Variants in CLVS1 observed in about 807,000 individuals in gnomAD.
The protein encoded by CLVS1 is clavesin-1.
In CLVS1, 10 loss-of-function variants were observed where a neutral mutation model predicts 33.1. That is an observed-to-expected ratio of 0.30 (90% CI 0.19 to 0.51). The LOEUF is 0.51. Ranked by LOEUF, CLVS1 falls within the 20% of genes least tolerant of loss-of-function variation. CLVS1 has a pLI of 0.97. For synonymous variants in CLVS1, 163 were observed against 166.1 expected (o/e 0.98, Z 0.14); for missense variants, 343 against 433.4 (o/e 0.79, Z 1.85).
At chr8:61,054,691 C>A (rs1313229913), upstream of CLVS1, among the ~76,000 whole-genome samples, 2 of 151,974 alleles carry the variant, frequency 1.3e-5, no homozygotes, top group African/African-American at 4.8e-5. Flanking sequence ...AAGGAAAGTA[C>A]TTTGTACTAT....
intron 5 of CLVS1, among the ~76,000 whole-genome samples, chr8:61,478,189 T>C (rs1818029464): frequency 6.6e-6 from 1 of 152,228 alleles, no homozygotes; most frequent in African/African-American, 2.4e-5. Flanking sequence ...AGACAGTTTG[T>C]TATAATTTCT....
At chr8:60,994,822 T>C in the CLVS1 span, among the ~76,000 whole-genome samples, 4 of 152,006 alleles carry the variant, frequency 2.6e-5, no homozygotes, top group Admixed American at 6.6e-5. Flanking sequence ...GAGATATAGA[T>C]CAATGGAACA....
intron 2 of CLVS1, among the ~76,000 whole-genome samples, chr8:61,217,904 C>G (rs946781911): frequency 1.3e-5 from 2 of 152,116 alleles, no homozygotes; most frequent in Non-Finnish European, 2.9e-5. Context: ...TGAAGAAAAA[C>G]TTGACATAAT....
the CLVS1 span, among the ~76,000 whole-genome samples, chr8:61,039,493 GGT>G: frequency 6.6e-6 from 1 of 151,940 alleles, no homozygotes; most frequent in Non-Finnish European, 1.5e-5. Context: ...GGTTTCCACC[GGT>G]TAATTGTTGA....
intron 2 of CLVS1, among the ~76,000 whole-genome samples, chr8:61,277,345 G>A (rs1448401159): frequency 6.6e-6 from 1 of 152,142 alleles, no homozygotes; most frequent in Non-Finnish European, 1.5e-5. Context: ...CTGCATTCAG[G>A]GCTTGTGTGG....
intron 5 of CLVS1, among the ~76,000 whole-genome samples, chr8:61,473,773 A>G (rs186676257): frequency 6.6e-6 from 1 of 152,338 alleles, no homozygotes; most frequent in African/African-American, 2.4e-5. Flanking sequence ...GAATGACCAG[A>G]GGTCTTTTGC....
At chr8:61,027,400 G>A in the CLVS1 span, among the ~76,000 whole-genome samples, 1 of 152,058 alleles carries the variant, frequency 6.6e-6, no homozygotes, top group Non-Finnish European at 1.5e-5. Context: ...TGGGGATTTG[G>A]GAATTAAATA....
chr8:61,313,605 T>C (rs1810915278), intron 2 of CLVS1, among the ~76,000 whole-genome samples: 1 of 152,186 alleles, frequency 6.6e-6, no homozygotes. Context: ...TGGAAGCTCC[T>C]GGAGACAGGG....
intron 3 of CLVS1, among the ~76,000 whole-genome samples, chr8:61,395,394 G>T (rs1814483933): frequency 6.6e-6 from 1 of 152,150 alleles, no homozygotes; most frequent in African/African-American, 2.4e-5. Context: ...CTCTTGCACT[G>T]CATGGTGAAC....
intron 2 of CLVS1, among the ~76,000 whole-genome samples, chr8:61,207,234 T>A (rs942258362): frequency 6.6e-6 from 1 of 152,250 alleles, no homozygotes; most frequent in Admixed American, 6.5e-5. Flanking sequence ...AGCCATGCTG[T>A]GCATGGGCTT....
At chr8:60,972,911 A>G in the CLVS1 span, among the ~76,000 whole-genome samples, 1 of 152,202 alleles carries the variant, frequency 6.6e-6, no homozygotes, top group African/African-American at 2.4e-5. Context: ...CCTCATCTTG[A>G]TAAATCAGCT....
At chr8:61,155,524 CCTTAA>C (rs1200029098) in intron 2 of CLVS1, among the ~76,000 whole-genome samples, 3 of 151,754 alleles carry the variant, frequency 2.0e-5, no homozygotes, top group African/African-American at 4.8e-5. Flanking sequence ...GTTCTCTAAA[CCTTAA>C]CTTATTTCAT....
At chr8:61,259,657 T>C (rs1809157319) in intron 2 of CLVS1, among the ~76,000 whole-genome samples, 1 of 152,236 alleles carries the variant, frequency 6.6e-6, no homozygotes, top group Non-Finnish European at 1.5e-5. Context: ...GAGATTTCAA[T>C]AGCACGGCAC....
chr8:61,171,329 G>A (rs1369404665), intron 2 of CLVS1, among the ~76,000 whole-genome samples: 1 of 152,148 alleles, frequency 6.6e-6, no homozygotes, highest in African/African-American at 2.4e-5. Context: ...AAAGTATGTT[G>A]GAGGAGGGCC....
At chr8:61,459,117 A>G (rs1217199036) in intron 5 of CLVS1, among the ~76,000 whole-genome samples, 3 of 152,106 alleles carry the variant, frequency 2.0e-5, no homozygotes, top group Non-Finnish European at 4.4e-5. Flanking sequence ...ATCCAAGCAG[A>G]GTGGACAGAC....
intron 2 of CLVS1, among the ~76,000 whole-genome samples, chr8:61,259,106 AT>A (rs1809146258): frequency 6.6e-6 from 1 of 152,240 alleles, no homozygotes; most frequent in Non-Finnish European, 1.5e-5. Flanking sequence ...CTACAAAGTG[AT>A]TTAATATATC....
intron 3 of CLVS1, among the ~76,000 whole-genome samples, chr8:61,416,195 C>T (rs1459762164): frequency 6.6e-6 from 1 of 152,152 alleles, no homozygotes; most frequent in Admixed American, 6.5e-5. Context: ...GAGAATTATA[C>T]ATCTATTTGC....
the CLVS1 span, among the ~76,000 whole-genome samples, chr8:60,968,802 T>C: frequency 2.0e-5 from 3 of 151,638 alleles, no homozygotes; most frequent in Admixed American, 1.3e-4. Flanking sequence ...GGTGGGAGAA[T>C]CACTTGAGCC....
chr8:61,157,654 A>G (rs938606207), intron 2 of CLVS1, among the ~76,000 whole-genome samples: 4 of 152,054 alleles, frequency 2.6e-5, no homozygotes, highest in Non-Finnish European at 4.4e-5. Context: ...ACACATATAT[A>G]TGACAAATGG....
Sources: allele counts gnomAD v4.1 joint callset (sites outside exome capture counted in the v4.1 genomes callset), GRCh38; gene constraint gnomAD v4.1.1; transcripts MANE v1.5; gene names NCBI Gene and HGNC (gene_info 2026-07-23, HGNC 2026-07-21).